The following NRCAM variants were observed in gnomAD, a reference collection of about 807,000 sequenced individuals.
NRCAM encodes the protein neuronal cell adhesion molecule.
A neutral mutation model predicts 156.5 loss-of-function variants in NRCAM; 83 were observed. The observed-to-expected ratio is 0.53, with a 90% confidence interval of 0.44 to 0.64. The LOEUF is 0.64. Ranked by LOEUF, NRCAM falls within the 30% of genes least tolerant of loss-of-function variation. The pLI, the probability that NRCAM is intolerant of heterozygous loss-of-function variation, is 0.00. For synonymous variants in NRCAM, 538 were observed against 563.9 expected (o/e 0.95, Z 0.65); for missense variants, 1,417 against 1,597.3 (o/e 0.89, Z 1.92).
rs767476461 is a variant in NRCAM at position 108,225,718 on chromosome 7, A to C, written c.722-17T>G. The stretch of plus-strand genomic sequence containing the variant: ...ATTCATCCACTGAAATAAACAGAAT[A>C]TTATGAAGAGGGCATAAAAGTGGGG... On this transcript the variant is annotated splice_polypyrimidine_tract_variant and intron_variant, in intron 9 of 32. Transcript: ENST00000379028. The C allele has an allele frequency of 1.8e-5, 28 of 1,545,066 alleles. No individual in the cohort carries two copies. Among genetic ancestry groups the C allele is most frequent in the Non-Finnish European group, 2.1e-5 (24 of 1,117,534 alleles).
At chr7:108,256,089 G>GC (rs1159561385) in intron 3 of NRCAM, among the ~76,000 whole-genome samples, 2 of 152,126 alleles carry the variant, frequency 1.3e-5, no homozygotes, top group Non-Finnish European at 2.9e-5. Flanking sequence ...GAAGTGAGGA[G>GC]CCCCTCTGCC....
chr7:108,208,413 C>T (rs2082297112), intron 12 of NRCAM, among the ~76,000 whole-genome samples: 1 of 152,092 alleles, frequency 6.6e-6, no homozygotes. Context: ...TATTATAGAG[C>T]ATTTCCATAC....
At chr7:108,262,268 C>G (rs991605377) in intron 3 of NRCAM, among the ~76,000 whole-genome samples, 2 of 152,096 alleles carry the variant, frequency 1.3e-5, no homozygotes, top group Non-Finnish European at 2.9e-5. Flanking sequence ...TGATTGGTCC[C>G]TTGATGCACC....
chr7:108,178,023 T>C lies in NRCAM; in HGVS notation c.2941A>G (p.Ile981Val). 1 of 1,613,618 alleles carries C rather than the reference T, an allele frequency of 6.2e-7. No individual in the cohort carries two copies. The highest frequency in any genetic ancestry group is 8.5e-7 in the Non-Finnish European group (1 of 1,179,680). ...EWDPPSHPNG[I>V]LTEYTLKYQP... ...TACTTTAAGGTGTACTCTGTCAAAA[T>C]GCCATTCGGGTGGCTCGGTGGATCC... is the stretch of plus-strand genomic sequence containing the variant. Residue 981 changes from isoleucine to valine, a missense_variant, in exon 26 of 33, where the codon ATT (isoleucine) becomes GTT (valine). By Grantham distance (29) the Ile-to-Val change is conservative. Coordinates refer to ENST00000379028, the MANE Select transcript of NRCAM (RefSeq NM_001037132.4).
chr7:108,285,986 A>G (rs1048533908), intron 3 of NRCAM, among the ~76,000 whole-genome samples: 1 of 152,232 alleles, frequency 6.6e-6, no homozygotes, highest in Non-Finnish European at 1.5e-5. Flanking sequence ...GTTTCTGGAA[A>G]GGGTCAAAAA....
rs897375550 is a variant in NRCAM at position 108,455,830 on chromosome 7, C to A, written c.-332+413G>T. ...CGCCCCGCGCCTCCGTGTCCAAGCCCGGGAAGCCGCCGTGCCGGGCCCGCA... is the reference window on the plus strand; with the variant it reads ...CGCCCCGCGCCTCCGTGTCCAAGCCAGGGAAGCCGCCGTGCCGGGCCCGCA... On this transcript the variant is annotated intron_variant, in intron 1 of 32. Coordinates refer to ENST00000379028, the MANE Select transcript of NRCAM (RefSeq NM_001037132.4). Among the ~76,000 whole-genome samples the A allele has an allele frequency of 3.3e-5, 5 of 152,264 alleles. No individual in the cohort carries two copies. In the East Asian group the frequency reaches 5.8e-4, roughly 18 times the overall value.
chr7:108,388,377 G>A (rs1322732558), intron 2 of NRCAM, among the ~76,000 whole-genome samples: 6 of 152,000 alleles, frequency 3.9e-5, no homozygotes, highest in Admixed American at 6.6e-5. Flanking sequence ...ATGTCTGTTC[G>A]TATCCTTTGC....
intron 1 of NRCAM, among the ~76,000 whole-genome samples, chr7:108,414,349 T>C (rs1445515241): frequency 6.6e-6 from 1 of 152,160 alleles, no homozygotes; most frequent in East Asian, 1.9e-4. Context: ...TTTGTCTGGC[T>C]TCCCCCGTTC....
At chr7:108,346,982 A>G (rs532655203) in intron 2 of NRCAM, among the ~76,000 whole-genome samples, 149 of 150,040 alleles carry the variant, frequency 9.9e-4, no homozygotes, top group African/African-American at 3.5e-3. Flanking sequence ...GTTTAAAAAT[A>G]TATCTACTAG....
intron 30 of NRCAM, 104 bp downstream of exon 30, chr7:108,166,817 T>A: frequency 1.0e-6 from 1 of 1,002,394 alleles, no homozygotes. Flanking sequence ...AAGACATTCA[T>A]GCCCTACCCA....
At chr7:108,358,505 A>C (rs10953566) in intron 2 of NRCAM, among the ~76,000 whole-genome samples, 1 of 151,290 alleles carries the variant, frequency 6.6e-6, no homozygotes, top group African/African-American at 2.4e-5. Context: ...GATGTTGGTG[A>C]TAGGTTGGTA....
At chr7:108,346,680 T>C (rs2099356910) in intron 2 of NRCAM, among the ~76,000 whole-genome samples, 1 of 152,258 alleles carries the variant, frequency 6.6e-6, no homozygotes, top group African/African-American at 2.4e-5. Context: ...TTTGGGAAGA[T>C]TAAGTGGCAG....
chr7:108,366,806 A>G (rs565918253), intron 2 of NRCAM, among the ~76,000 whole-genome samples: 18 of 152,282 alleles, frequency 1.2e-4, no homozygotes, highest in African/African-American at 4.3e-4. Context: ...TCTGAGTCCA[A>G]CTCATTTGAC....
chr7:108,221,259 A>C (rs540194000), intron 11 of NRCAM, among the ~76,000 whole-genome samples: 10 of 152,340 alleles, frequency 6.6e-5, no homozygotes, highest in African/African-American at 2.4e-4. Flanking sequence ...GGGAATGTAA[A>C]CTAGTACAGC....
chr7:108,317,924 G>C (rs956547681), intron 2 of NRCAM, among the ~76,000 whole-genome samples: 1 of 134,516 alleles, frequency 7.4e-6, no homozygotes, highest in African/African-American at 2.6e-5. Context: ...AAAAAAAAAA[G>C]AAAGAAAGAA....
chr7:108,164,100 A>T (rs1294210297), intron 30 of NRCAM, among the ~76,000 whole-genome samples: 21 of 109,170 alleles, frequency 1.9e-4, no homozygotes, highest in African/African-American at 8.7e-4. Flanking sequence ...GTGAGAGGTC[A>T]TACCGGGTGG....
intron 1 of NRCAM, among the ~76,000 whole-genome samples, chr7:108,447,404 TACAGGCACGC>T (rs1364415755): frequency 6.6e-6 from 1 of 151,880 alleles, no homozygotes; most frequent in South Asian, 2.1e-4. Flanking sequence ...TAGCTGGGAT[TACAGGCACGC>T]ACCACCATGC....
chr7:108,261,310 C>T (rs1253274369), intron 3 of NRCAM, among the ~76,000 whole-genome samples: 2 of 152,184 alleles, frequency 1.3e-5, no homozygotes, highest in Non-Finnish European at 2.9e-5. Flanking sequence ...GAAGCCCAAG[C>T]ACTGCTCTCT....
intron 11 of NRCAM, among the ~76,000 whole-genome samples, chr7:108,222,510 A>G (rs901761434): frequency 6.6e-6 from 1 of 152,196 alleles, no homozygotes; most frequent in Admixed American, 6.5e-5. Flanking sequence ...CTGGCAGACT[A>G]TGCCACTCTC....
Sources: gnomAD v4.1 joint callset for allele counts (sites outside exome capture counted in the v4.1 genomes callset) on GRCh38, gnomAD v4.1.1 for gene constraint, MANE v1.5 for transcripts, NCBI Gene and HGNC (gene_info 2026-07-23, HGNC 2026-07-21) for gene names.